COMMD10: variants seen among roughly 807,000 people sequenced by gnomAD.
COMMD10 encodes COMM domain-containing protein 10.
In COMMD10, 33 loss-of-function variants were observed where a neutral mutation model predicts 28.9. That is an observed-to-expected ratio of 1.14 (90% CI 0.87 to 1.53). The LOEUF is 1.53. Ranked by LOEUF, COMMD10 falls within the 40% of genes most tolerant of loss-of-function variation. COMMD10 has a pLI of 0.00. For synonymous variants in COMMD10, 110 were observed against 81.7 expected (o/e 1.35, Z -1.87); for missense variants, 310 against 233.4 (o/e 1.33, Z -2.14).
chr5:116,191,878 A>T (rs1278887003), intron 5 of COMMD10, among the ~76,000 whole-genome samples: 1 of 152,010 alleles, frequency 6.6e-6, no homozygotes, highest in Non-Finnish European at 1.5e-5. Flanking sequence ...AAGAACCCTC[A>T]TGGAGTCCGT....
At chr5:116,290,344 G>T (rs1424636702) in intron 5 of COMMD10, among the ~76,000 whole-genome samples, 2 of 150,422 alleles carry the variant, frequency 1.3e-5, no homozygotes, top group East Asian at 3.9e-4. Flanking sequence ...CTTTAAAGCA[G>T]ATGTACTTCT....
At chr5:116,148,138 T>A (rs1752402859) in intron 5 of COMMD10, among the ~76,000 whole-genome samples, 1 of 151,922 alleles carries the variant, frequency 6.6e-6, no homozygotes. Context: ...ACTAAAGTGA[T>A]CAAGAAGATT....
At chr5:116,137,133 T>A (rs185261358) in intron 5 of COMMD10, among the ~76,000 whole-genome samples, 1 of 152,228 alleles carries the variant, frequency 6.6e-6, no homozygotes, top group East Asian at 1.9e-4. Flanking sequence ...TTCTCTTGTT[T>A]ACCTTCTCCT....
At chr5:116,188,816 G>C (rs1748243947) in intron 5 of COMMD10, among the ~76,000 whole-genome samples, 1 of 151,988 alleles carries the variant, frequency 6.6e-6, no homozygotes, top group Middle Eastern at 3.2e-3. Flanking sequence ...TTTTTGTAGA[G>C]AGGGGGTTTC....
chr5:116,259,010 CT>C (rs1561396696), intron 5 of COMMD10, among the ~76,000 whole-genome samples: 1 of 149,866 alleles, frequency 6.7e-6, no homozygotes, highest in Non-Finnish European at 1.5e-5. Flanking sequence ...TCTGAATAAT[CT>C]TTTGTCTTTG....
chr5:116,238,356 A>G lies in COMMD10; in HGVS notation c.511-53161A>G, dbSNP rs185321486. Among the ~76,000 whole-genome samples the G allele has an allele frequency of 2.6e-3, 393 of 152,340 alleles. 1 individual carries two copies. Among genetic ancestry groups the G allele is most frequent in the Non-Finnish European group, 4.4e-3 (301 of 68,032 alleles). ...ATGGGTTAAAAGGCAAGAGTTTTGA[A>G]TGAACTTAAATTGGGCAATTCTCAA... On this transcript the variant is annotated intron_variant, in intron 5 of 6. Coordinates refer to ENST00000274458, the MANE Select transcript of COMMD10 (RefSeq NM_016144.4).
rs191771501 is a variant in COMMD10, at chr5:116,283,588, C to T, written c.511-7929C>T. ...TCTCGAACTCCTGACCTCAGGTGAT[C>T]TGCCTGCCTTGGCTTCCCAAAGTGC... On this transcript the variant is annotated intron_variant, in intron 5 of 6. Coordinates refer to ENST00000274458, the MANE Select transcript of COMMD10 (RefSeq NM_016144.4). 2.0e-3 allele frequency among the ~76,000 whole-genome samples: 297 copies of T among 151,764 alleles called. 2 individuals are homozygous for T. Among genetic ancestry groups the T allele is most frequent in the Middle Eastern group, 6.8e-3 (2 of 294 alleles).
rs539014203 is a variant in COMMD10, at chr5:116,123,941, A to G, written c.400-10127A>G. Among the ~76,000 whole-genome samples the G allele has an allele frequency of 2.0e-5, 3 of 149,432 alleles. No individual in the cohort carries two copies. The East Asian group carries it at 6.0e-4, about 30-fold the overall frequency. On this transcript the variant is annotated intron_variant, in intron 4 of 6. Transcript: ENST00000274458. Reference sequence around the variant, plus strand: ...TCCCCTTTATCATTTTTTTTTATCTATTTGATTCTTCTCGCTTTTCTTCTT... The same window carrying G: ...TCCCCTTTATCATTTTTTTTTATCTGTTTGATTCTTCTCGCTTTTCTTCTT...
intron 4 of COMMD10, among the ~76,000 whole-genome samples, chr5:116,120,183 T>A (rs941528423): frequency 6.6e-6 from 1 of 152,144 alleles, no homozygotes; most frequent in Admixed American, 6.5e-5. Context: ...TAAAAAGGAA[T>A]GAAGTAGCGT....
chr5:116,237,597 C>T lies in COMMD10; in HGVS notation c.511-53920C>T, dbSNP rs187469760. ...GGCTGAGGTGGGAGGATCACTGGAGCGCAAAAGTTTGAGGCTAGCCTGGGC... is the reference window on the plus strand; with the variant it reads ...GGCTGAGGTGGGAGGATCACTGGAGTGCAAAAGTTTGAGGCTAGCCTGGGC... On this transcript the variant is annotated intron_variant, in intron 5 of 6. Transcript: ENST00000274458. 1.0e-3 allele frequency among the ~76,000 whole-genome samples: 154 copies of T among 152,040 alleles called. No individual in the cohort carries two copies. In the South Asian group the frequency reaches 0.016, roughly 16 times the overall value.
chr5:116,230,159 G>A (rs1253521268), intron 5 of COMMD10, among the ~76,000 whole-genome samples: 8 of 151,934 alleles, frequency 5.3e-5, no homozygotes, highest in African/African-American at 7.2e-5. Context: ...AAAGAGCATC[G>A]TAATCTCCTT....
intron 5 of COMMD10, among the ~76,000 whole-genome samples, chr5:116,229,124 A>G (rs1179049513): frequency 1.3e-5 from 2 of 151,998 alleles, no homozygotes; most frequent in Non-Finnish European, 1.5e-5. Flanking sequence ...ATCTACTTTA[A>G]ACATAATTAT....
At chr5:116,233,093 G>C (rs1414582336) in intron 5 of COMMD10, among the ~76,000 whole-genome samples, 1 of 152,050 alleles carries the variant, frequency 6.6e-6, no homozygotes, top group East Asian at 1.9e-4. Context: ...CACTATGCTA[G>C]GTATTTATGG....
At chr5:116,103,697 A>T (rs377334747) in intron 4 of COMMD10, among the ~76,000 whole-genome samples, 1 of 152,036 alleles carries the variant, frequency 6.6e-6, no homozygotes, top group African/African-American at 2.4e-5. Context: ...GGCTTTTGTT[A>T]CCATTGCTTT....
At chr5:116,085,420 G>T in intron 1 of COMMD10, 1 of 376,438 alleles carries the variant, frequency 2.7e-6, no homozygotes, top group Non-Finnish European at 4.8e-6. Context: ...GCTGCCTTCA[G>T]TGCTGCCGAA....
In COMMD10 at chr5:116,292,486, A is replaced by G. The variant is rs994549834; in HGVS notation, c.606A>G (p.Thr202=). The change falls in exon 7 of 7, where the codon ACA becomes ACG. Residue 202 remains threonine, a synonymous_variant. Coordinates refer to ENST00000274458, the MANE Select transcript of COMMD10 (RefSeq NM_016144.4). The stretch of plus-strand genomic sequence containing the variant: ...TACAAGCACAGCTGGATTCCCTTAC[A>G]TGATGTTTTCGAAGACTGTTTTTTT... ...ETIQAQLDSL[T] The G allele has an allele frequency of 3.8e-6, 6 of 1,578,516 alleles. No homozygotes were observed. Among genetic ancestry groups the G allele is most frequent in the Non-Finnish European group, 5.2e-6 (6 of 1,162,104 alleles).
rs116583503 is a variant in COMMD10, at chr5:116,293,188, A to G, written c.*699A>G. 6.0e-3 allele frequency: 2,328 copies of G among 389,428 alleles called. 44 individuals carry two copies. The highest frequency in any genetic ancestry group is 0.043 in the African/African-American group (2,104 of 48,490). The allele number at this position is 389,428 out of a possible 1,614,324, so 24.1% of individuals were successfully genotyped here. A position where few individuals can be genotyped will look rare whatever the true frequency, so the allele number is the denominator to read the frequency against. On this transcript the variant is annotated 3_prime_UTR_variant, in exon 7 of 7. Coordinates refer to ENST00000274458, the MANE Select transcript of COMMD10 (RefSeq NM_016144.4). ...TCAGGTCTTGAATAAAATAATTGTA[A>G]TGAGTGCTAAATGGGCACCATTATT...
At chr5:116,271,268 AT>A (rs369747065) in intron 5 of COMMD10, among the ~76,000 whole-genome samples, 15,605 of 147,270 alleles carry the variant, frequency 0.11, 1,033 homozygotes, top group African/African-American at 0.15. Context: ...CTGTTTAAGC[AT>A]TTTTATCTTT....
chr5:116,248,607 C>G (rs912717601), intron 5 of COMMD10, among the ~76,000 whole-genome samples: 1 of 151,842 alleles, frequency 6.6e-6, no homozygotes, highest in Non-Finnish European at 1.5e-5. Context: ...TAAAGACTTG[C>G]ACAATTTCTG....
Sources: gnomAD v4.1 joint callset for allele counts (sites outside exome capture counted in the v4.1 genomes callset) on GRCh38, gnomAD v4.1.1 for gene constraint, MANE v1.5 for transcripts, NCBI Gene and HGNC (gene_info 2026-07-23, HGNC 2026-07-21) for gene names.